The following SRSF1 variants were observed in gnomAD, a reference collection of about 807,000 sequenced individuals.
SRSF1 encodes the protein serine and arginine rich splicing factor 1, also known as serine/arginine-rich splicing factor 1.
In SRSF1, 1 loss-of-function variant was observed where a neutral mutation model predicts 25.9. The observed-to-expected ratio is 0.04, with a 90% confidence interval of 0.01 to 0.18. SRSF1 has a LOEUF of 0.18. Among genes scored for constraint, SRSF1 ranks in the 10% least tolerant of loss-of-function variants. The probability of loss-of-function intolerance (pLI) is 1.00; values close to 1 mark genes in which losing one functional copy is unlikely to be tolerated. For missense variants in SRSF1, 65 were observed against 350.5 expected (o/e 0.19, Z 6.50); for synonymous variants, 132 against 126.2 (o/e 1.05, Z -0.31).
chr17:57,989,760 T>C, the SRSF1 span: 17 of 398,526 alleles, frequency 4.3e-5, no homozygotes, highest in Non-Finnish European at 6.2e-5. Flanking sequence ...TTTGGATCAG[T>C]AGCAGAAGCA....
downstream of SRSF1, among the ~76,000 whole-genome samples, chr17:57,997,335 C>A (rs1029771613): frequency 6.6e-6 from 1 of 152,116 alleles, no homozygotes. Flanking sequence ...AATAATCCAC[C>A]CAGTTAACGA....
At chr17:57,992,313 T>TCCTCCTTTGGACAC in the SRSF1 span, 1 of 152,044 alleles carries the variant, frequency 6.6e-6, no homozygotes, top group East Asian at 1.9e-4. Flanking sequence ...GCACCAACAT[T>TCCTCCTTTGGACAC]CCTCCTTTGG....
At chr17:58,006,595 A>T in intron 1 of SRSF1, 68 bp from the exon 2 acceptor site, 1 of 1,503,014 alleles carries the variant, frequency 6.7e-7, no homozygotes, top group East Asian at 2.4e-5. Context: ...GTTGGGAACC[A>T]GCAAACCCCC....
In SRSF1 at chr17:58,002,434, G is replaced by T. The variant is rs576303180; in HGVS notation, c.*2972C>A. On this transcript the variant is annotated 3_prime_UTR_variant, in exon 4 of 4. Coordinates refer to ENST00000258962, the MANE Select transcript of SRSF1 (RefSeq NM_006924.5). The stretch of plus-strand genomic sequence containing the variant: ...TAAATTCAACTTCCAACTATGATTA[G>T]CACCCAAGGGAAATGTTAAAGTCTA... 6.6e-6 allele frequency among the ~76,000 whole-genome samples: 1 copy of T among 152,272 alleles called. No homozygotes were observed. Among genetic ancestry groups the T allele is most frequent in the East Asian group, 1.9e-4 (1 of 5,180 alleles).
downstream of SRSF1, among the ~76,000 whole-genome samples, chr17:57,999,523 CAA>C (rs752222079): frequency 2.6e-5 from 4 of 152,114 alleles, no homozygotes; most frequent in Non-Finnish European, 5.9e-5. Flanking sequence ...GAATTTTACA[CAA>C]AAGATGGGAA....
the SRSF1 span, chr17:57,990,821 GC>G: frequency 6.6e-6 from 1 of 152,172 alleles, no homozygotes; most frequent in Non-Finnish European, 1.5e-5. Flanking sequence ...TCCCCAACTT[GC>G]CCTGTTCAGG....
chr17:57,995,735 A>C, the SRSF1 span, among the ~76,000 whole-genome samples: 1 of 151,924 alleles, frequency 6.6e-6, no homozygotes, highest in South Asian at 2.1e-4. Context: ...GTAAAACAAG[A>C]ATTTCTCACC....
At chr17:58,000,840 T>C (rs2075384588), downstream of SRSF1, among the ~76,000 whole-genome samples, 1 of 152,170 alleles carries the variant, frequency 6.6e-6, no homozygotes, top group Non-Finnish European at 1.5e-5. Flanking sequence ...CTCAGCAAAG[T>C]CTGTGGCAAC....
At chr17:58,006,581 C>A in intron 1 of SRSF1, 54 bp from the exon 2 acceptor site, 1 of 1,537,786 alleles carries the variant, frequency 6.5e-7, no homozygotes. Flanking sequence ...GAGAAGCTCG[C>A]TCAGTTGGGA....
downstream of SRSF1, among the ~76,000 whole-genome samples, chr17:57,998,285 G>A (rs1428374204): frequency 1.3e-5 from 2 of 152,110 alleles, no homozygotes; most frequent in Non-Finnish European, 2.9e-5. Flanking sequence ...ACCGTTAAGG[G>A]TAGAAGACAT....
chr17:57,995,289 T>C, the SRSF1 span, among the ~76,000 whole-genome samples: 11 of 152,238 alleles, frequency 7.2e-5, no homozygotes, highest in Admixed American at 2.0e-4. Context: ...GCAGATGTTT[T>C]AAACATTTAC....
chr17:57,999,687 T>G (rs1046366193), downstream of SRSF1, among the ~76,000 whole-genome samples: 1 of 152,212 alleles, frequency 6.6e-6, no homozygotes, highest in Non-Finnish European at 1.5e-5. Context: ...CTCCCTCTAG[T>G]GGCTAAGTGA....
chr17:57,992,172 A>G, the SRSF1 span: 2 of 152,250 alleles, frequency 1.3e-5, no homozygotes, highest in Non-Finnish European at 2.9e-5. Context: ...TCCATTTTAC[A>G]ACTCTTTAAT....
At chr17:57,997,518 A>G (rs2075369824), downstream of SRSF1, among the ~76,000 whole-genome samples, 1 of 152,240 alleles carries the variant, frequency 6.6e-6, no homozygotes, top group Non-Finnish European at 1.5e-5. Flanking sequence ...TACCAAATCA[A>G]CCAGGGTAGG....
At chr17:57,999,118 TTAAG>T (rs1384254987), downstream of SRSF1, among the ~76,000 whole-genome samples, 5 of 152,220 alleles carry the variant, frequency 3.3e-5, no homozygotes, top group Admixed American at 2.6e-4. Context: ...AACCTGCTAC[TTAAG>T]TGAGGCCTAG....
In SRSF1 at chr17:58,002,943, T is replaced by A. The variant is rs998133611; in HGVS notation, c.*2463A>T. Among the ~76,000 whole-genome samples the A allele has an allele frequency of 2.0e-5, 3 of 152,106 alleles. No homozygotes were observed. Among genetic ancestry groups the A allele is most frequent in the Non-Finnish European group, 4.4e-5 (3 of 68,014 alleles). The stretch of plus-strand genomic sequence containing the variant: ...CACGAGAATCACTCAAATCCAGGGG[T>A]GGAGGTTGCAGTGAGCCTAGATCAC... On this transcript the variant is annotated 3_prime_UTR_variant, in exon 4 of 4. Transcript: ENST00000258962.
chr17:58,001,553 A>T lies in SRSF1; in HGVS notation c.*3853T>A, dbSNP rs572530644. 1.4e-4 allele frequency among the ~76,000 whole-genome samples: 22 copies of T among 152,342 alleles called. No individual in the cohort carries two copies. The East Asian group carries it at 3.5e-3, about 24-fold the overall frequency. On this transcript the variant is annotated 3_prime_UTR_variant, in exon 4 of 4. Transcript: ENST00000258962. ...GGTTATTCAATCTGATGTTATGAAA[A>T]GTAATTGCTTCTTAAAGAGACTTAA...
At chr17:57,994,922 G>T in the SRSF1 span, 1 of 152,192 alleles carries the variant, frequency 6.6e-6, no homozygotes, top group African/African-American at 2.4e-5. Flanking sequence ...ATACTTCTAA[G>T]AATCTTCTCT....
chr17:57,991,833 C>G, the SRSF1 span: 4 of 152,184 alleles, frequency 2.6e-5, no homozygotes, highest in African/African-American at 9.7e-5. Flanking sequence ...ATTTAACTGG[C>G]AAGGTGAGGA....
Sources: gnomAD v4.1 joint callset for allele counts (sites outside exome capture counted in the v4.1 genomes callset) on GRCh38, gnomAD v4.1.1 for gene constraint, MANE v1.5 for transcripts, NCBI Gene and HGNC (gene_info 2026-07-23, HGNC 2026-07-21) for gene names.